Variants in SPTA1 observed in about 807,000 individuals in gnomAD.
SPTA1 encodes spectrin alpha chain, erythrocytic 1.
In SPTA1, 177 loss-of-function variants were observed where a neutral mutation model predicts 324.7. That is an observed-to-expected ratio of 0.55 (90% CI 0.48 to 0.62). The LOEUF is 0.62. SPTA1 is among the 20% of genes least tolerant of loss of function. The pLI is 0.00. For missense variants in SPTA1, 3,162 were observed against 2,883.6 expected (o/e 1.10, Z -2.21); for synonymous variants, 1,195 against 1,041.3 (o/e 1.15, Z -2.84).
Position 158,672,075 on chromosome 1 carries a change from C to T in SPTA1, c.1472G>A (p.Trp491Ter). ...TCCCGTTACCTCTTGTCTACTCATCCAACTGTCCACTTGCTCACTGTCTCT... is the reference window on the plus strand; with the variant it reads ...TCCCGTTACCTCTTGTCTACTCATCTAACTGTCCACTTGCTCACTGTCTCT... ...FYRDSEQVDS[W>*]MSRQEAFLEN... The change falls in exon 11 of 52, where the codon TGG (tryptophan) becomes TAG (stop). Residue 491 changes from tryptophan (W) to a stop codon, truncating the protein, a stop_gained. Transcript: ENST00000643759. LOFTEE classifies it high-confidence loss of function. 3 of 1,613,992 alleles carry T rather than the reference C, an allele frequency of 1.9e-6. No homozygotes were observed. The highest frequency in any genetic ancestry group is 2.5e-6 in the Non-Finnish European group (3 of 1,179,932).
Position 158,642,967 on chromosome 1 carries a change from A to G in SPTA1, c.4452T>C (p.Ala1484=), listed in dbSNP as rs1161978481. The change falls in exon 32 of 52, where the codon GCT becomes GCC. Residue 1484 remains alanine, a synonymous_variant. Coordinates refer to ENST00000643759, the MANE Select transcript of SPTA1 (RefSeq NM_003126.4). ...GCTCATCAATCAGTTGTGCTTTGAG[A>G]GCCTTCCACCTAGAGGACGGAGCCA... is the stretch of plus-strand genomic sequence containing the variant. ...RLQRVLDRWK[A]LKAQLIDERT... 2 of 1,613,572 alleles carry G rather than the reference A, an allele frequency of 1.2e-6. No homozygotes were observed. The highest frequency in any genetic ancestry group is 4.5e-5 in the East Asian group (2 of 44,866).
intron 45 of SPTA1, 99 bp downstream of exon 45, chr1:158,619,123 G>A (rs1649752399): frequency 4.4e-6 from 5 of 1,141,878 alleles, no homozygotes; most frequent in Non-Finnish European, 6.7e-6. Context: ...CAGAATACAT[G>A]CTCTCAGAGT....
Position 158,672,175 on chromosome 1 carries a change from A to C in SPTA1, c.1372T>G (p.Trp458Gly). ...TCCCACAGTTCCAGCAGGGCAGTCC[A>C]GTTGTTGTCAAGTATTTCCATCTTT... ...REKMEILDNN[W>G]TALLELWDER... Residue 458 changes from tryptophan to glycine, a missense_variant, in exon 11 of 52, where the codon TGG becomes GGG. Transcript: ENST00000643759. 6.2e-7 allele frequency: 1 copy of C among 1,614,030 alleles called. No individual in the cohort carries two copies. Among genetic ancestry groups the C allele is most frequent in the Non-Finnish European group, 8.5e-7 (1 of 1,179,960 alleles).
intron 8 of SPTA1, among the ~76,000 whole-genome samples, chr1:158,675,626 CA>C (rs1461848543): frequency 2.6e-5 from 4 of 151,944 alleles, no homozygotes; most frequent in African/African-American, 9.7e-5. Flanking sequence ...TTAGGTACAG[CA>C]AGAGATTAAC....
intron 14 of SPTA1, 27 bp from the exon 15 acceptor site, chr1:158,668,089 A>C: frequency 1.5e-6 from 2 of 1,326,938 alleles, no homozygotes; most frequent in South Asian, 1.2e-5. Context: ...AAAAAAAAAA[A>C]AACCATTACC....
In SPTA1 at chr1:158,666,303, G is replaced by A; in HGVS notation, c.2220+13C>T. The A allele has an allele frequency of 6.2e-7, 1 of 1,612,944 alleles. No individual in the cohort carries two copies. Among genetic ancestry groups the A allele is most frequent in the Non-Finnish European group, 8.5e-7 (1 of 1,179,888 alleles). ...CCCATTGCTTATGGCTGGCCAAAGAGCTAACAACAAACCTGACGAGCAGCC... is the reference window on the plus strand; with the variant it reads ...CCCATTGCTTATGGCTGGCCAAAGAACTAACAACAAACCTGACGAGCAGCC... On this transcript the variant is annotated intron_variant, in intron 16 of 51. Coordinates refer to ENST00000643759, the MANE Select transcript of SPTA1 (RefSeq NM_003126.4).
intron 35 of SPTA1, among the ~76,000 whole-genome samples, chr1:158,638,618 C>T (rs931821128): frequency 6.6e-6 from 1 of 151,872 alleles, no homozygotes; most frequent in Non-Finnish European, 1.5e-5. Context: ...GAGTTCAAGA[C>T]CACTGTGGCC....
In SPTA1 at chr1:158,674,372, A is replaced by C; in HGVS notation, c.1307T>G (p.Leu436Arg). The C allele has an allele frequency of 6.2e-7, 1 of 1,614,122 alleles. No homozygotes were observed. Among genetic ancestry groups the C allele is most frequent in the Non-Finnish European group, 8.5e-7 (1 of 1,179,960 alleles). Reference protein sequence around the residue: ...FQSADETGQDLVNANHEASDE... With the variant: ...FQSADETGQDRVNANHEASDE... Reference sequence around the variant, plus strand: ...AGAGGCTTCATGATTGGCATTCACGAGGTCTTGACCAGTCTCATCAGCAGA... The same window carrying C: ...AGAGGCTTCATGATTGGCATTCACGCGGTCTTGACCAGTCTCATCAGCAGA... The change falls in exon 10 of 52, where the codon CTC becomes CGC. Residue 436 changes from leucine (L) to arginine (R), a missense_variant. Physicochemically the swap from Leu to Arg is moderately radical, Grantham distance 102. Transcript: ENST00000643759.
At chr1:158,682,480 T>C (rs1159518131) in intron 3 of SPTA1, among the ~76,000 whole-genome samples, 4 of 152,178 alleles carry the variant, frequency 2.6e-5, no homozygotes, top group African/African-American at 9.6e-5. Flanking sequence ...TTTATACAAA[T>C]AAACAAGTTT....
chr1:158,676,769 C>G (rs1654419087), intron 7 of SPTA1, among the ~76,000 whole-genome samples: 5 of 152,142 alleles, frequency 3.3e-5, no homozygotes, highest in Admixed American at 3.3e-4. Context: ...TAATTTTCAG[C>G]ACAACCTCTG....
chr1:158,666,605 A>G, intron 15 of SPTA1, 108 bp from the exon 16 acceptor site: 1 of 978,656 alleles, frequency 1.0e-6, no homozygotes, highest in Non-Finnish European at 1.6e-6. Context: ...TTAATATTGC[A>G]AAGAGGGAAA....
In SPTA1 at chr1:158,626,230, G is replaced by T; in HGVS notation, c.5834-8C>A. Reference sequence around the variant, plus strand: ...GGCTTGTTTCCTTATCAGCTAAAAGGCAAAAACAATTAAGAAGAGAAAGAC... The same window carrying T: ...GGCTTGTTTCCTTATCAGCTAAAAGTCAAAAACAATTAAGAAGAGAAAGAC... On this transcript the variant is annotated splice_region_variant and splice_polypyrimidine_tract_variant and intron_variant, in intron 41 of 51. Transcript: ENST00000643759. 1 of 1,612,866 alleles carries T rather than the reference G, an allele frequency of 6.2e-7. No individual in the cohort carries two copies. Among genetic ancestry groups the T allele is most frequent in the Non-Finnish European group, 8.5e-7 (1 of 1,179,150 alleles).
chr1:158,634,436 T>C (rs1297629141), intron 39 of SPTA1, 107 bp downstream of exon 39: 3 of 1,492,208 alleles, frequency 2.0e-6, no homozygotes, highest in Non-Finnish European at 2.8e-6. Flanking sequence ...TTCCTTCATC[T>C]TCTTTCACCA....
intron 51 of SPTA1, 99 bp from the exon 52 acceptor site, chr1:158,611,488 G>T: frequency 7.0e-7 from 1 of 1,421,680 alleles, no homozygotes; most frequent in Non-Finnish European, 9.8e-7. Context: ...GAGATGGAGA[G>T]TCTCTGGAAG....
At chr1:158,622,937 T>G in intron 43 of SPTA1, 46 bp downstream of exon 43, 6 of 1,506,856 alleles carry the variant, frequency 4.0e-6, no homozygotes, top group Non-Finnish European at 5.5e-6. Context: ...TCATGGCTAA[T>G]ATACAGGTAA....
chr1:158,622,204 C>CT (rs1368782974), intron 43 of SPTA1, among the ~76,000 whole-genome samples: 1 of 152,102 alleles, frequency 6.6e-6, no homozygotes, highest in Admixed American at 6.5e-5. Flanking sequence ...CATCCAATGC[C>CT]TTAGCAGCCA....
intron 51 of SPTA1, chr1:158,611,731 G>A: frequency 3.8e-6 from 1 of 262,052 alleles, no homozygotes; most frequent in Middle Eastern, 1.4e-3. Flanking sequence ...TGAGATGTGG[G>A]GACTAGCATG....
Position 158,636,636 on chromosome 1 carries a change from C to G in SPTA1, c.5310+5G>C, listed in dbSNP as rs1436338064. ...ATATTTTCAGATCTGGTATTCTATT[C>G]CTACCTGGATGGCAGGCTCATGGGC... On this transcript the variant is annotated splice_donor_5th_base_variant and intron_variant, in intron 37 of 51. Transcript: ENST00000643759. The G allele has an allele frequency of 5.6e-6, 9 of 1,613,962 alleles. No individual in the cohort carries two copies. The highest frequency in any genetic ancestry group is 7.6e-6 in the Non-Finnish European group (9 of 1,179,938).
intron 5 of SPTA1, 49 bp from the exon 6 acceptor site, chr1:158,678,583 T>TA (rs1654572380): frequency 2.5e-6 from 4 of 1,596,118 alleles, no homozygotes; most frequent in Non-Finnish European, 3.4e-6. Flanking sequence ...AGATTATATT[T>TA]AAAAAATTAT....
Sources: gnomAD v4.1 joint callset for allele counts (sites outside exome capture counted in the v4.1 genomes callset) on GRCh38, gnomAD v4.1.1 for gene constraint, MANE v1.5 for transcripts, NCBI Gene and HGNC (gene_info 2026-07-23, HGNC 2026-07-21) for gene names.